Variants in FUBP3 observed in about 807,000 individuals in gnomAD.
FUBP3 encodes far upstream element-binding protein 3.
Under a neutral mutation model 85.6 loss-of-function variants are expected in FUBP3, and 28 were observed. The observed-to-expected ratio is 0.33, with a 90% confidence interval of 0.24 to 0.45. The LOEUF (loss-of-function observed/expected upper bound fraction) is 0.45. Ranked by LOEUF, FUBP3 falls within the 20% of genes least tolerant of loss-of-function variation. The probability of loss-of-function intolerance (pLI) is 1.00; values close to 1 mark genes in which losing one functional copy is unlikely to be tolerated. For missense variants in FUBP3, 583 were observed against 755.1 expected, an observed-to-expected ratio of 0.77 and a Z score of 2.67; for synonymous variants, 271 against 271.4, an observed-to-expected ratio of 1.00 and a Z score of 0.01.
chr9:130,581,588 C>G (rs1830132963), intron 1 of FUBP3: 1 of 152,188 alleles, frequency 6.6e-6, no homozygotes, highest in African/African-American at 2.4e-5. Flanking sequence ...ATCTGTAATA[C>G]TGTATGCTGA....
rs116117056 is a variant in FUBP3 at position 130,601,691 on chromosome 9, G to C, written c.190+6103G>C. On this transcript the variant is annotated intron_variant, in intron 2 of 18. Transcript: ENST00000319725. ...TTATAGTACCACACTTTCTACTTTT[G>C]ATAATACAGTTGTTCCCCATTTATT... Among the ~76,000 whole-genome samples the C allele has an allele frequency of 3.3e-3, 508 of 151,724 alleles. 5 individuals are homozygous for C. The highest frequency in any genetic ancestry group is 0.012 in the African/African-American group (479 of 41,290).
chr9:130,579,749 G>C lies in FUBP3; in HGVS notation c.69G>C (p.Leu23=). The change falls in exon 1 of 19, where the codon CTG becomes CTC. Residue 23 remains leucine, a synonymous_variant. Transcript: ENST00000319725. The part of the protein sequence containing the change: ...GMKAEGFVDA[L]HRVRQIAAKI... Reference sequence around the variant, plus strand: ...AGGCCGAGGGCTTCGTGGATGCCCTGCACCGGGTCCGGCAGGTACGGGCGC... The same window carrying C: ...AGGCCGAGGGCTTCGTGGATGCCCTCCACCGGGTCCGGCAGGTACGGGCGC... 1.6e-6 allele frequency: 2 copies of C among 1,280,698 alleles called. No individual in the cohort carries two copies. The highest frequency in any genetic ancestry group is 2.0e-6 in the Non-Finnish European group (2 of 1,010,726). 79.3% of individuals were successfully genotyped at this position (1,280,698 alleles called of 1,614,324 possible).
At chr9:130,636,789 C>G (rs1472816412) in intron 18 of FUBP3, among the ~76,000 whole-genome samples, 1 of 152,146 alleles carries the variant, frequency 6.6e-6, no homozygotes, top group Non-Finnish European at 1.5e-5. Flanking sequence ...TGGGTCTGGT[C>G]CTGGGGAAAC....
intron 2 of FUBP3, among the ~76,000 whole-genome samples, chr9:130,601,836 C>T (rs1281273737): frequency 1.6e-5 from 2 of 122,772 alleles, no homozygotes; most frequent in African/African-American, 6.5e-5. Flanking sequence ...GAGTCTTGCT[C>T]TGTCACCCAG....
intron 18 of FUBP3, 149 bp downstream of exon 18, chr9:130,636,275 A>G (rs1015708315): frequency 6.2e-6 from 5 of 805,056 alleles, no homozygotes; most frequent in Non-Finnish European, 1.0e-5. Context: ...GCTTCTGCTG[A>G]GAGCCCGGCT....
In FUBP3 at chr9:130,616,810, G is replaced by T. The variant is rs1392072524; in HGVS notation, c.567+293G>T. On this transcript the variant is annotated intron_variant, in intron 7 of 18. Transcript: ENST00000319725. The surrounding 1 kb of genome is among the most constrained non-coding windows in gnomAD (Gnocchi z 4.7). ...TGTGAGGGCTGCTTTTATCATCATA[G>T]GACAGCATCTCAGATAAAAGTGCAG... Among the ~76,000 whole-genome samples, 1 of 152,340 alleles carries T rather than the reference G, an allele frequency of 6.6e-6. No individual in the cohort carries two copies. Among genetic ancestry groups the T allele is most frequent in the East Asian group, 1.9e-4 (1 of 5,192 alleles).
rs370816377 is a variant in FUBP3 at position 130,609,171 on chromosome 9, A to C, written c.191-783A>C. 6.6e-5 allele frequency among the ~76,000 whole-genome samples: 10 copies of C among 152,292 alleles called. No homozygotes were observed. In the East Asian group the frequency reaches 1.3e-3, roughly 21 times the overall value. On this transcript the variant is annotated intron_variant, in intron 2 of 18. Transcript: ENST00000319725. Reference sequence around the variant, plus strand: ...AAACACTACAGAATCATTTTTGCTGATGGCTGGTGAAGGAGAGACACTCAT... The same window carrying C: ...AAACACTACAGAATCATTTTTGCTGCTGGCTGGTGAAGGAGAGACACTCAT...
At position 130,614,356 on chromosome 9, in the gene FUBP3, T is replaced by C. The variant is rs1157528636; in HGVS notation, c.404+11T>C. The stretch of plus-strand genomic sequence containing the variant: ...CCCAGAAAGTATTGAGTAAGTTTAT[T>C]TTATTTACTTTTTCTTTCACTCTTC... On this transcript the variant is annotated intron_variant, in intron 6 of 18. Coordinates refer to ENST00000319725, the MANE Select transcript of FUBP3 (RefSeq NM_003934.2). The C allele has an allele frequency of 6.5e-7, 1 of 1,544,272 alleles. No individual in the cohort carries two copies. The highest frequency in any genetic ancestry group is 8.9e-7 in the Non-Finnish European group (1 of 1,118,042).
intron 11 of FUBP3, 90 bp downstream of exon 11, chr9:130,623,801 A>G (rs1286662997): frequency 2.8e-6 from 2 of 704,510 alleles, no homozygotes; most frequent in East Asian, 5.7e-5. Context: ...TAGAGCTGTC[A>G]CCCTGAGGCG....
intron 1 of FUBP3, among the ~76,000 whole-genome samples, chr9:130,583,998 A>G (rs191916102): frequency 5.9e-5 from 9 of 152,166 alleles, no homozygotes; most frequent in African/African-American, 1.7e-4. Context: ...CAGTCTTTCA[A>G]AGTGCTGGGA....
In FUBP3 at chr9:130,635,067, G is replaced by A. The variant is rs963412799; in HGVS notation, c.1582+329G>A. Among the ~76,000 whole-genome samples, 1 of 152,162 alleles carries A rather than the reference G, an allele frequency of 6.6e-6. No homozygotes were observed. The highest frequency in any genetic ancestry group is 2.4e-5 in the African/African-American group (1 of 41,434). On this transcript the variant is annotated intron_variant, in intron 17 of 18. Coordinates refer to ENST00000319725, the MANE Select transcript of FUBP3 (RefSeq NM_003934.2). This position sits in a 1 kb window ranked among gnomAD's most constrained non-coding sequence, Gnocchi z 4.3. ...CGTCTGGTCTCCTTAGGGACTGAAA[G>A]ATTCCGGCTGGGTGCCACCTGGCCG...
chr9:130,607,146 T>TC (rs1831500488), intron 2 of FUBP3, among the ~76,000 whole-genome samples: 1 of 152,078 alleles, frequency 6.6e-6, no homozygotes, highest in East Asian at 1.9e-4. Context: ...TATTTTTTTT[T>TC]TTTTTACTAG....
In FUBP3 at chr9:130,617,893, C is replaced by G; in HGVS notation, c.664C>G (p.Gln222Glu). 6.5e-7 allele frequency: 1 copy of G among 1,544,868 alleles called. No homozygotes were observed. Among genetic ancestry groups the G allele is most frequent in the Non-Finnish European group, 8.9e-7 (1 of 1,119,198 alleles). ...TATCACTGGAGATGCATTTAAAGTA[C>G]AGGTAGGAAAGTGCCATGGGTTGGG... is the stretch of plus-strand genomic sequence containing the variant. ...LRITGDAFKV[Q>E]QAREMVLEII... is the part of the protein sequence containing the mutation. The change falls in exon 8 of 19, where the codon CAG becomes GAG. Residue 222 changes from glutamine to glutamate, a missense_variant and splice_region_variant. Physicochemically the swap from Gln to Glu is conservative, Grantham distance 29. Around this residue, in one of 3 missense-constraint regions of FUBP3, gnomAD observed 404 missense variants for 516.8 expected, o/e 0.78. Coordinates refer to ENST00000319725, the MANE Select transcript of FUBP3 (RefSeq NM_003934.2).
intron 2 of FUBP3, among the ~76,000 whole-genome samples, chr9:130,607,774 C>G (rs1046839974): frequency 6.6e-6 from 1 of 152,194 alleles, no homozygotes; most frequent in African/African-American, 2.4e-5. Flanking sequence ...TGGGTGGACT[C>G]CAGCATTTGC....
chr9:130,619,712 G>A (rs1190435162), intron 8 of FUBP3, among the ~76,000 whole-genome samples: 1 of 152,220 alleles, frequency 6.6e-6, no homozygotes, highest in South Asian at 2.1e-4. Flanking sequence ...TGCAGTGATA[G>A]ACTTGCCAAG....
At chr9:130,589,731 G>T (rs12350527) in intron 1 of FUBP3, among the ~76,000 whole-genome samples, 9,728 of 89,624 alleles carry the variant, frequency 0.11, 810 homozygotes, top group East Asian at 0.22. Flanking sequence ...TTTTTTTTAA[G>T]AGACAGGGTC....
At chr9:130,620,205 C>T (rs755982126) in intron 8 of FUBP3, 149 bp from the exon 9 acceptor site, 1 of 514,282 alleles carries the variant, frequency 1.9e-6, no homozygotes, top group Non-Finnish European at 3.5e-6. Context: ...ACACATCCCC[C>T]TACATGTCCC....
chr9:130,617,502 T>TA (rs1832069842), intron 7 of FUBP3, among the ~76,000 whole-genome samples: 1 of 152,228 alleles, frequency 6.6e-6, no homozygotes, highest in Non-Finnish European at 1.5e-5. Flanking sequence ...TAATGTCAAA[T>TA]GGAGTGTGTG....
Position 130,589,693 on chromosome 9 carries a change from ATATATATATATATTTTTTTTTT to A in FUBP3, c.85-5788_85-5767del, listed in dbSNP as rs1830515832. Among the ~76,000 whole-genome samples, 3 of 29,830 alleles carry A rather than the reference ATATATATATATATTTTTTTTTT, an allele frequency of 1.0e-4. 1 individual carries two copies. The highest frequency in any genetic ancestry group is 4.3e-4 in the African/African-American group (3 of 6,976). The allele number at this position is 29,830 out of a possible 152,430, so 19.6% of individuals were successfully genotyped here. ...TGTGTGTGTATATATATATATATATATATATATATATATTTTTTTTTTTTTTTTTTTTTTTAAGAGACAGGGT... is the reference window on the plus strand; with the variant it reads ...TGTGTGTGTATATATATATATATATATTTTTTTTTTTTTAAGAGACAGGGT... On this transcript the variant is annotated intron_variant, in intron 1 of 18. Transcript: ENST00000319725.
Sources: gnomAD v4.1 joint callset for allele counts (sites outside exome capture counted in the v4.1 genomes callset) on GRCh38, gnomAD v4.1.1 for gene constraint, gnomAD v4.1.1 regional missense constraint, Gnocchi (gnomAD v3.1) non-coding constraint, MANE v1.5 for transcripts, NCBI Gene and HGNC (gene_info 2026-07-23, HGNC 2026-07-21) for gene names.